Variants in AGBL1 observed in about 807,000 individuals in gnomAD.
AGBL1 encodes cytosolic carboxypeptidase 4.
Under a neutral mutation model 118.9 loss-of-function variants are expected in AGBL1, and 130 were observed. The ratio of observed to expected loss-of-function variants is 1.09; its 90% CI spans 0.95 to 1.26. The LOEUF is 1.26. AGBL1 is among the 50% of genes most tolerant of loss of function. The pLI, the probability that AGBL1 is intolerant of heterozygous loss-of-function variation, is 0.00. For synonymous variants in AGBL1, 555 were observed against 478.9 expected, an observed-to-expected ratio of 1.16 and a Z score of -2.08; for missense variants, 1,584 against 1,298.1, an observed-to-expected ratio of 1.22 and a Z score of -3.38.
chr15:86,931,614 C>CTGCTGCTGG (rs1228370789), intron 23 of AGBL1, among the ~76,000 whole-genome samples: 1 of 139,516 alleles, frequency 7.2e-6, no homozygotes, highest in African/African-American at 2.6e-5. Context: ...GCTGCTGCTG[C>CTGCTGCTGG]TGGTTGTTGT....
At chr15:86,862,257 A>G (rs541378652) in intron 22 of AGBL1, among the ~76,000 whole-genome samples, 1 of 152,318 alleles carries the variant, frequency 6.6e-6, no homozygotes, top group South Asian at 2.1e-4. Flanking sequence ...GGCAGAACAC[A>G]TAAATTATAA....
intron 21 of AGBL1, among the ~76,000 whole-genome samples, chr15:86,668,318 A>AACTC (rs1405996663): frequency 6.6e-6 from 1 of 152,190 alleles, no homozygotes; most frequent in Admixed American, 6.5e-5. Context: ...TGAACAGTCT[A>AACTC]ACTCACAATT....
At chr15:86,564,536 C>T (rs970939453) in intron 21 of AGBL1, among the ~76,000 whole-genome samples, 14 of 152,230 alleles carry the variant, frequency 9.2e-5, no homozygotes, top group Non-Finnish European at 1.6e-4. Context: ...GTGGGTAACC[C>T]GACCTTTCTC....
intron 22 of AGBL1, among the ~76,000 whole-genome samples, chr15:86,700,054 A>G (rs1040421764): frequency 3.3e-5 from 5 of 151,650 alleles, no homozygotes; most frequent in African/African-American, 9.7e-5. Flanking sequence ...TCTTCTCCCC[A>G]TTTCATTATG....
chr15:86,132,264 A>G (rs1353126318), intron 1 of AGBL1, among the ~76,000 whole-genome samples: 2 of 152,024 alleles, frequency 1.3e-5, no homozygotes, highest in Non-Finnish European at 2.9e-5. Flanking sequence ...GTGTTTTTGG[A>G]ATGAAGGTGA....
chr15:86,673,747 A>G (rs1053768964), intron 21 of AGBL1, among the ~76,000 whole-genome samples: 2 of 152,198 alleles, frequency 1.3e-5, no homozygotes, highest in South Asian at 4.1e-4. Context: ...TTTCATGCAT[A>G]TATGAGTACA....
intron 23 of AGBL1, among the ~76,000 whole-genome samples, chr15:86,948,801 A>G (rs2080850918): frequency 6.6e-6 from 1 of 152,264 alleles, no homozygotes; most frequent in South Asian, 2.1e-4. Context: ...TAACTATTTG[A>G]TATCTTGGAC....
intron 1 of AGBL1, among the ~76,000 whole-genome samples, chr15:86,130,891 G>A (rs7178668): frequency 0.12 from 17,968 of 152,146 alleles, 1,155 homozygotes; most frequent in Middle Eastern, 0.21. Flanking sequence ...CTCTTGTATG[G>A]TTGCAGTCAG....
At chr15:86,536,272 A>G (rs1476488454) in intron 19 of AGBL1, among the ~76,000 whole-genome samples, 2 of 152,198 alleles carry the variant, frequency 1.3e-5, no homozygotes, top group Non-Finnish European at 2.9e-5. Flanking sequence ...TCTTCAATGT[A>G]GTTTCTGTGT....
intron 6 of AGBL1, among the ~76,000 whole-genome samples, chr15:86,235,665 A>G (rs536784111): frequency 6.6e-6 from 1 of 151,800 alleles, no homozygotes; most frequent in South Asian, 2.1e-4. Flanking sequence ...GCAGTTTACA[A>G]AGCAGCTTTT....
chr15:86,600,855 C>T (rs1399122820), intron 21 of AGBL1, among the ~76,000 whole-genome samples: 4 of 152,128 alleles, frequency 2.6e-5, no homozygotes, highest in African/African-American at 9.7e-5. Flanking sequence ...CATTTTAAAT[C>T]TTAAACATTC....
chr15:86,559,396 G>A (rs1463874724), intron 21 of AGBL1, among the ~76,000 whole-genome samples: 1 of 152,102 alleles, frequency 6.6e-6, no homozygotes, highest in African/African-American at 2.4e-5. Flanking sequence ...TTGCCATGTG[G>A]TAAAGCCCTA....
intron 24 of AGBL1, among the ~76,000 whole-genome samples, chr15:87,013,063 G>T (rs529204872): frequency 6.6e-6 from 1 of 152,220 alleles, no homozygotes; most frequent in East Asian, 1.9e-4. Flanking sequence ...TTTTCTTGTA[G>T]CCTGAATTAG....
chr15:86,961,016 C>T (rs780147248), intron 23 of AGBL1, among the ~76,000 whole-genome samples: 9 of 151,956 alleles, frequency 5.9e-5, no homozygotes, highest in Non-Finnish European at 1.3e-4. Context: ...TAATGTAAAG[C>T]ATGATGACTA....
intron 22 of AGBL1, among the ~76,000 whole-genome samples, chr15:86,706,995 C>T (rs936079538): frequency 6.6e-6 from 1 of 152,018 alleles, no homozygotes. Flanking sequence ...AAGAGATGGA[C>T]TTTGCATTTA....
intron 22 of AGBL1, among the ~76,000 whole-genome samples, chr15:86,831,148 G>A (rs956310271): frequency 3.3e-5 from 5 of 152,050 alleles, no homozygotes; most frequent in East Asian, 1.9e-4. Context: ...AAACCTGCCC[G>A]CATGATTCAA....
At chr15:86,948,701 C>G (rs1167235583) in intron 23 of AGBL1, among the ~76,000 whole-genome samples, 2 of 152,190 alleles carry the variant, frequency 1.3e-5, no homozygotes, top group Non-Finnish European at 2.9e-5. Context: ...AACAAGATGT[C>G]TTAGCTAGTA....
At chr15:86,317,340 ATATCC>A (rs1181429370) in intron 17 of AGBL1, among the ~76,000 whole-genome samples, 4 of 152,222 alleles carry the variant, frequency 2.6e-5, no homozygotes, top group Admixed American at 6.5e-5. Flanking sequence ...AAGGAAAACA[ATATCC>A]TATCCGCACA....
At chr15:86,317,237 A>G (rs1348352026) in intron 17 of AGBL1, 2 of 152,202 alleles carry the variant, frequency 1.3e-5, no homozygotes, top group Admixed American at 1.3e-4. Context: ...ATCTGTTTCC[A>G]TAGCAACCAA....
Sources: gnomAD v4.1 joint callset for allele counts (sites outside exome capture counted in the v4.1 genomes callset) on GRCh38, gnomAD v4.1.1 for gene constraint, MANE v1.5 for transcripts, NCBI Gene and HGNC (gene_info 2026-07-23, HGNC 2026-07-21) for gene names.